The following TMEM117 variants were observed in gnomAD, a reference collection of about 807,000 sequenced individuals.
TMEM117 encodes the protein transmembrane protein 117.
TMEM117 carries 27 observed loss-of-function variants against 52.4 expected under a neutral mutation model. That is an observed-to-expected ratio of 0.51 (90% CI 0.38 to 0.71). TMEM117 has a LOEUF of 0.71. Ranked by LOEUF, TMEM117 falls within the 30% of genes least tolerant of loss-of-function variation. TMEM117 has a pLI of 0.00. For synonymous variants in TMEM117, 215 were observed against 206.3 expected, an observed-to-expected ratio of 1.04 and a Z score of -0.36; for missense variants, 556 against 630.5, an observed-to-expected ratio of 0.88 and a Z score of 1.26.
the TMEM117 span, among the ~76,000 whole-genome samples, chr12:43,825,384 C>T: frequency 6.6e-6 from 1 of 152,150 alleles, no homozygotes. Context: ...GGGTTGATCC[C>T]TACTCACTTA....
At chr12:43,804,905 A>G in the TMEM117 span, among the ~76,000 whole-genome samples, 1 of 152,234 alleles carries the variant, frequency 6.6e-6, no homozygotes, top group Non-Finnish European at 1.5e-5. Context: ...CTCTTTTGAA[A>G]AATATTGAAA....
intron 6 of TMEM117, among the ~76,000 whole-genome samples, chr12:44,347,703 C>T (rs1272959788): frequency 6.6e-6 from 1 of 151,954 alleles, no homozygotes; most frequent in Non-Finnish European, 1.5e-5. Flanking sequence ...GATTTTCTTA[C>T]AACAGTTAGT....
intron 7 of TMEM117, among the ~76,000 whole-genome samples, chr12:44,378,601 C>T (rs567083131): frequency 6.6e-6 from 1 of 152,188 alleles, no homozygotes; most frequent in African/African-American, 2.4e-5. Context: ...TTCTGAAAAC[C>T]TAAAAGGATG....
At chr12:44,373,328 C>G (rs1482530176) in intron 6 of TMEM117, among the ~76,000 whole-genome samples, 2 of 152,208 alleles carry the variant, frequency 1.3e-5, no homozygotes, top group East Asian at 3.9e-4. Context: ...AGCCCTGTTC[C>G]AGGTGCCCTC....
At chr12:43,834,599 A>C (rs1477035712), upstream of TMEM117, among the ~76,000 whole-genome samples, 1 of 152,240 alleles carries the variant, frequency 6.6e-6, no homozygotes, top group Non-Finnish European at 1.5e-5. Flanking sequence ...ATGATCACAA[A>C]TGATTGACTA....
chr12:44,314,182 A>G (rs76649382), intron 6 of TMEM117, among the ~76,000 whole-genome samples: 4,288 of 152,240 alleles, frequency 0.028, 98 homozygotes, highest in African/African-American at 0.055. Flanking sequence ...TCCAGTTCTC[A>G]TGGGGAATAC....
At chr12:44,178,661 T>C (rs1949148520) in intron 4 of TMEM117, among the ~76,000 whole-genome samples, 1 of 152,224 alleles carries the variant, frequency 6.6e-6, no homozygotes, top group African/African-American at 2.4e-5. Context: ...GACATGGTTC[T>C]CAAATCTATT....
At chr12:44,323,391 T>C (rs1021433940) in intron 6 of TMEM117, among the ~76,000 whole-genome samples, 5 of 152,224 alleles carry the variant, frequency 3.3e-5, no homozygotes, top group Non-Finnish European at 7.3e-5. Context: ...TGCTAGCCAA[T>C]AGTCAAACAT....
chr12:43,993,399 A>G lies in TMEM117; in HGVS notation c.410+49057A>G, dbSNP rs74405412. Among the ~76,000 whole-genome samples, 220 of 152,272 alleles carry G rather than the reference A, an allele frequency of 1.4e-3. 3 individuals carry two copies. In the East Asian group the frequency reaches 0.024, roughly 17 times the overall value. On this transcript the variant is annotated intron_variant, in intron 3 of 7. Transcript: ENST00000266534. ...TACACTTATCATTATCACTTGTACTATATGCCTCAGCTCAATTCAAGGGAT... is the reference window on the plus strand; with the variant it reads ...TACACTTATCATTATCACTTGTACTGTATGCCTCAGCTCAATTCAAGGGAT...
chr12:44,242,273 T>G (rs1950072323), intron 5 of TMEM117, among the ~76,000 whole-genome samples: 1 of 151,848 alleles, frequency 6.6e-6, no homozygotes, highest in Admixed American at 6.6e-5. Flanking sequence ...ATTTTTTTTC[T>G]ACTCCACATC....
At chr12:44,027,420 C>T (rs111328463) in intron 3 of TMEM117, among the ~76,000 whole-genome samples, 2,455 of 151,982 alleles carry the variant, frequency 0.016, 78 homozygotes, top group African/African-American at 0.056. Flanking sequence ...GTTATCTGCC[C>T]GTGTTGGCCT....
chr12:43,993,997 G>T (rs1214256344), intron 3 of TMEM117, among the ~76,000 whole-genome samples: 5 of 152,036 alleles, frequency 3.3e-5, no homozygotes, highest in Non-Finnish European at 7.4e-5. Context: ...GTCTGGACAA[G>T]ATTTTTATTT....
chr12:44,090,503 C>A (rs1347788301), intron 3 of TMEM117, among the ~76,000 whole-genome samples: 1 of 151,698 alleles, frequency 6.6e-6, no homozygotes, highest in African/African-American at 2.4e-5. Context: ...GTGGCACAAT[C>A]TCGGCTCACT....
chr12:44,164,986 C>T (rs985203314), intron 4 of TMEM117, among the ~76,000 whole-genome samples: 1 of 151,970 alleles, frequency 6.6e-6, no homozygotes, highest in Non-Finnish European at 1.5e-5. Context: ...CTATAGTTAC[C>T]TTACTGTTCT....
intron 3 of TMEM117, chr12:44,008,508 C>T (rs762649338): frequency 5.4e-5 from 9 of 166,080 alleles, no homozygotes; most frequent in Non-Finnish European, 7.7e-5. Context: ...TTTTCTGAAG[C>T]GTAAGATCTA....
chr12:43,810,355 T>A, the TMEM117 span, among the ~76,000 whole-genome samples: 6 of 152,218 alleles, frequency 3.9e-5, no homozygotes, highest in African/African-American at 1.4e-4. Context: ...TTGCTAGTGA[T>A]GCTAATTAAC....
chr12:44,094,684 A>T (rs540595469), intron 3 of TMEM117, among the ~76,000 whole-genome samples: 7 of 152,200 alleles, frequency 4.6e-5, no homozygotes, highest in Middle Eastern at 3.4e-3. Flanking sequence ...GAATTCCATT[A>T]TCACTAAGAA....
intron 2 of TMEM117, among the ~76,000 whole-genome samples, chr12:43,897,548 C>T (rs1032321769): frequency 3.3e-5 from 5 of 151,696 alleles, no homozygotes; most frequent in East Asian, 1.9e-4. Flanking sequence ...CTCTTGAACT[C>T]GTGATCCGCC....
At chr12:44,095,998 T>C (rs1486395674) in intron 3 of TMEM117, among the ~76,000 whole-genome samples, 2 of 152,302 alleles carry the variant, frequency 1.3e-5, no homozygotes, top group East Asian at 3.9e-4. Flanking sequence ...CTCCTTAAGC[T>C]GATAAGCAAC....
Sources: gnomAD v4.1 joint callset for allele counts (sites outside exome capture counted in the v4.1 genomes callset) on GRCh38, gnomAD v4.1.1 for gene constraint, MANE v1.5 for transcripts, NCBI Gene and HGNC (gene_info 2026-07-23, HGNC 2026-07-21) for gene names.